HIPK2: variants seen among roughly 807,000 people sequenced by gnomAD.
The protein encoded by HIPK2 is homeodomain interacting protein kinase 2, also known as homeodomain-interacting protein kinase 2.
In HIPK2, 27 loss-of-function variants were observed where a neutral mutation model predicts 113.7. The ratio of observed to expected loss-of-function variants is 0.24; its 90% CI spans 0.17 to 0.33. The LOEUF (loss-of-function observed/expected upper bound fraction) is 0.33, where lower values mean the gene tolerates loss of function less well. Ranked by LOEUF, HIPK2 falls within the 10% of genes least tolerant of loss-of-function variation. The pLI, the probability that HIPK2 is intolerant of heterozygous loss-of-function variation, is 1.00. For synonymous variants in HIPK2, 631 were observed against 642.2 expected (o/e 0.98, Z 0.26); for missense variants, 1,257 against 1,588.0 (o/e 0.79, Z 3.54).
At chr7:139,690,939 C>A (rs1341805161) in intron 2 of HIPK2, among the ~76,000 whole-genome samples, 1 of 152,186 alleles carries the variant, frequency 6.6e-6, no homozygotes, top group African/African-American at 2.4e-5. Context: ...AGACATCCTA[C>A]GAACCGGGTG....
chr7:139,761,733 G>A (rs1164535277), intron 1 of HIPK2, among the ~76,000 whole-genome samples: 2 of 152,198 alleles, frequency 1.3e-5, no homozygotes, highest in Non-Finnish European at 2.9e-5. Flanking sequence ...CAGCCTTGAA[G>A]GGTATTTGAG....
At chr7:139,655,559 C>T (rs561334786) in intron 2 of HIPK2, among the ~76,000 whole-genome samples, 1 of 152,260 alleles carries the variant, frequency 6.6e-6, no homozygotes, top group African/African-American at 2.4e-5. Flanking sequence ...ATGCTCACTT[C>T]CTCTTTCTTT....
In HIPK2 at chr7:139,716,545, C is replaced by T. The variant is rs372037037; in HGVS notation, c.490G>A (p.Ala164Thr). 33 of 1,613,970 alleles carry T rather than the reference C, an allele frequency of 2.0e-5. No individual in the cohort carries two copies. The highest frequency in any genetic ancestry group is 7.7e-5 in the South Asian group (7 of 91,080). Reference protein sequence around the residue: ...IQNNASGATVATATTSTATSK... With the variant: ...IQNNASGATVTTATTSTATSK... ...GTGGCAGTAGACGTGGTGGCAGTGG[C>T]GACAGTGGCCCCGCTTGCATTATTC... Residue 164 changes from alanine (A) to threonine (T), a missense_variant, in exon 2 of 15, where the codon GCC (alanine) becomes ACC (threonine). Physicochemically the swap from Ala to Thr is moderately conservative, Grantham distance 58. Around this residue, in one of 5 missense-constraint regions of HIPK2, gnomAD observed 209 missense variants for 237.8 expected, o/e 0.88. Transcript: ENST00000406875. The surrounding 1 kb of genome is among the most constrained non-coding windows in gnomAD (Gnocchi z 9.3).
intron 2 of HIPK2, among the ~76,000 whole-genome samples, chr7:139,648,670 A>G (rs1801333878): frequency 2.6e-5 from 4 of 152,084 alleles, no homozygotes; most frequent in Non-Finnish European, 5.9e-5. Context: ...CTACCGAGCA[A>G]CGCCCCCCAC....
intron 1 of HIPK2, among the ~76,000 whole-genome samples, chr7:139,726,727 T>C (rs1223765149): frequency 6.6e-6 from 1 of 152,158 alleles, no homozygotes; most frequent in Non-Finnish European, 1.5e-5. Context: ...ATCAATAGGA[T>C]GGGCTGGGCC....
At chr7:139,575,082 G>C (rs1798441028) in intron 14 of HIPK2, 46 bp downstream of exon 14, 1 of 1,544,406 alleles carries the variant, frequency 6.5e-7, no homozygotes, top group Admixed American at 2.0e-5. Flanking sequence ...GAAGGATGAG[G>C]GGATGGGGGC....
At chr7:139,674,335 T>C (rs992141670) in intron 2 of HIPK2, among the ~76,000 whole-genome samples, 3 of 152,190 alleles carry the variant, frequency 2.0e-5, no homozygotes, top group African/African-American at 7.2e-5. Flanking sequence ...TTTCCATTAT[T>C]CCACACATAA....
chr7:139,575,309 G>C (rs1023256485), intron 13 of HIPK2, 21 bp from the exon 14 acceptor site: 2 of 1,547,790 alleles, frequency 1.3e-6, no homozygotes, highest in Non-Finnish European at 1.7e-6. Flanking sequence ...AGGAGAAAGA[G>C]GTCAGATCAG....
chr7:139,700,866 A>G (rs1293626399), intron 2 of HIPK2, among the ~76,000 whole-genome samples: 4 of 152,354 alleles, frequency 2.6e-5, no homozygotes, highest in Non-Finnish European at 4.4e-5. Context: ...AGCCATGCAC[A>G]TAGTAGGTAT....
chr7:139,656,794 A>G (rs1479902290), intron 2 of HIPK2, among the ~76,000 whole-genome samples: 1 of 151,812 alleles, frequency 6.6e-6, no homozygotes, highest in East Asian at 1.9e-4. Context: ...ACTTCTGTGC[A>G]TGTTGCTTTC....
intron 1 of HIPK2, among the ~76,000 whole-genome samples, chr7:139,756,059 ATCAG>A (rs1325371899): frequency 6.6e-6 from 1 of 152,246 alleles, no homozygotes; most frequent in Non-Finnish European, 1.5e-5. Context: ...GAACGAATGA[ATCAG>A]TCAACCAATC....
chr7:139,572,564 A>T lies in HIPK2; in HGVS notation c.*363T>A. 5.5e-6 allele frequency: 1 copy of T among 182,444 alleles called. No individual in the cohort carries two copies. Among genetic ancestry groups the T allele is most frequent in the Non-Finnish European group, 1.1e-5 (1 of 89,014 alleles). 11.3% of individuals were successfully genotyped at this position (182,444 alleles called of 1,614,324 possible). On this transcript the variant is annotated 3_prime_UTR_variant, in exon 15 of 15. Transcript: ENST00000406875. The stretch of plus-strand genomic sequence containing the variant: ...TTCCTGTTGCTCTCTTCTCCTTTCC[A>T]GTTTGGCGTAGAATGGGTTCTTGAG...
At chr7:139,673,220 A>G (rs1802367440) in intron 2 of HIPK2, among the ~76,000 whole-genome samples, 1 of 152,062 alleles carries the variant, frequency 6.6e-6, no homozygotes, top group Non-Finnish European at 1.5e-5. Context: ...AGTGCAGATT[A>G]CGAACTGGGA....
chr7:139,730,429 C>A (rs568922810), intron 1 of HIPK2, among the ~76,000 whole-genome samples: 2 of 150,208 alleles, frequency 1.3e-5, no homozygotes, highest in East Asian at 3.9e-4. Flanking sequence ...GGTGAGATCT[C>A]GGCTCACTGC....
At chr7:139,655,641 T>G (rs1191806488) in intron 2 of HIPK2, among the ~76,000 whole-genome samples, 15 of 152,248 alleles carry the variant, frequency 9.9e-5, no homozygotes, top group Non-Finnish European at 1.9e-4. Flanking sequence ...CCTGCACTGA[T>G]GGACGCACAA....
intron 2 of HIPK2, among the ~76,000 whole-genome samples, chr7:139,637,257 C>T (rs1369492038): frequency 6.6e-6 from 1 of 152,200 alleles, no homozygotes; most frequent in Non-Finnish European, 1.5e-5. Context: ...ACCCCACCCC[C>T]TTGCCGTAAG....
Position 139,567,817 on chromosome 7 carries a change from A to AT in HIPK2, c.*5109dup, listed in dbSNP as rs1798139941. On this transcript the variant is annotated 3_prime_UTR_variant, in exon 15 of 15. Transcript: ENST00000406875. ...AGCACCGAGCCATTTCCTTCTTTCC[A>AT]TTTTCTGTCCTAGGGTCTACTTGAC... is the stretch of plus-strand genomic sequence containing the variant. The AT allele has an allele frequency of 6.6e-6, 1 of 151,958 alleles. No homozygotes were observed. The highest frequency in any genetic ancestry group is 2.4e-5 in the African/African-American group (1 of 41,316). The allele number at this position is 151,958 out of a possible 1,614,324, so 9.4% of individuals were successfully genotyped here. A position where few individuals can be genotyped will look rare whatever the true frequency, so the allele number is the denominator to read the frequency against.
chr7:139,565,569 G>T lies in HIPK2; in HGVS notation c.*7358C>A, dbSNP rs1026789640. The stretch of plus-strand genomic sequence containing the variant: ...CTGTTAATCTCATACCAGGGCAAGA[G>T]ACACGCCTTCCTTTTATCATGAAAG... On this transcript the variant is annotated 3_prime_UTR_variant, in exon 15 of 15. Transcript: ENST00000406875. The T allele has an allele frequency of 6.6e-6, 1 of 152,294 alleles. No individual in the cohort carries two copies. Among genetic ancestry groups the T allele is most frequent in the East Asian group, 1.9e-4 (1 of 5,190 alleles). The allele number at this position is 152,294 out of a possible 1,614,324, so 9.4% of individuals were successfully genotyped here.
chr7:139,693,716 G>T (rs1302271496), intron 2 of HIPK2, among the ~76,000 whole-genome samples: 1 of 129,888 alleles, frequency 7.7e-6, no homozygotes, highest in African/African-American at 2.8e-5. Flanking sequence ...TTAAATTTTT[G>T]TCCAGAAAAA....
Sources: allele counts gnomAD v4.1 joint callset (sites outside exome capture counted in the v4.1 genomes callset), GRCh38; gene constraint gnomAD v4.1.1; regional missense constraint gnomAD v4.1.1; non-coding constraint Gnocchi (gnomAD v3.1); transcripts MANE v1.5; gene names NCBI Gene and HGNC (gene_info 2026-07-23, HGNC 2026-07-21).